Variants in PDE4B observed in about 807,000 individuals in gnomAD.
PDE4B encodes the protein phosphodiesterase 4B.
A neutral mutation model predicts 82.2 loss-of-function variants in PDE4B; 20 were observed. The observed-to-expected ratio is 0.24, with a 90% CI of 0.17 to 0.35. The LOEUF is 0.35. Among genes scored for constraint, PDE4B ranks in the 10% least tolerant of loss-of-function variants. The pLI, the probability that PDE4B is intolerant of heterozygous loss-of-function variation, is 1.00. For missense variants in PDE4B, 655 were observed against 907.2 expected, an observed-to-expected ratio of 0.72 and a Z score of 3.57; for synonymous variants, 320 against 318.9, an observed-to-expected ratio of 1.00 and a Z score of -0.04.
At chr1:65,983,328 G>A (rs905597286) in intron 3 of PDE4B, among the ~76,000 whole-genome samples, 2 of 152,116 alleles carry the variant, frequency 1.3e-5, no homozygotes, top group East Asian at 1.9e-4. Context: ...TAAGACTTTT[G>A]GAGGTGTTGT....
chr1:65,863,703 G>A (rs532216049), intron 1 of PDE4B, among the ~76,000 whole-genome samples: 4 of 152,222 alleles, frequency 2.6e-5, no homozygotes, highest in African/African-American at 9.6e-5. Context: ...TTCAGTGCAT[G>A]CATATTTAGG....
chr1:66,287,577 T>C (rs1014927491), intron 7 of PDE4B, among the ~76,000 whole-genome samples: 8 of 152,298 alleles, frequency 5.3e-5, no homozygotes, highest in African/African-American at 9.6e-5. Flanking sequence ...CTCCAGACTT[T>C]CCTTGCCTGG....
chr1:65,847,578 C>A (rs1450013218), intron 1 of PDE4B, among the ~76,000 whole-genome samples: 1 of 152,170 alleles, frequency 6.6e-6, no homozygotes, highest in African/African-American at 2.4e-5. Context: ...GAATGGATAT[C>A]TCTAAAGCGT....
chr1:66,090,621 A>ATATGTGTGTGTGTGTG lies in PDE4B; in HGVS notation c.282-156838_282-156837insATGTGTGTGTGTGTGT. ...TTATATATATATATGTATATAATAT[A>ATATGTGTGTGTGTGTG]TGTGTGTGTGTGTGTGTGTATGTAC... On this transcript the variant is annotated intron_variant, in intron 3 of 16. Coordinates refer to ENST00000341517, the MANE Select transcript of PDE4B (RefSeq NM_002600.4). Among the ~76,000 whole-genome samples, 252 of 122,710 alleles carry ATATGTGTGTGTGTGTG rather than the reference A, an allele frequency of 2.1e-3. 1 individual carries two copies. Among genetic ancestry groups the ATATGTGTGTGTGTGTG allele is most frequent in the Non-Finnish European group, 3.1e-3 (200 of 63,826 alleles). The allele number at this position is 122,710 out of a possible 152,430, so 80.5% of individuals were successfully genotyped here.
chr1:65,959,896 A>G (rs1002639438), intron 3 of PDE4B, among the ~76,000 whole-genome samples: 2 of 151,994 alleles, frequency 1.3e-5, no homozygotes, highest in Non-Finnish European at 2.9e-5. Flanking sequence ...TTTGGTAGAG[A>G]TGAGGTCTTT....
At chr1:66,264,767 C>T (rs1654913790) in intron 6 of PDE4B, among the ~76,000 whole-genome samples, 1 of 152,180 alleles carries the variant, frequency 6.6e-6, no homozygotes, top group South Asian at 2.1e-4. Context: ...TGTGGCCACA[C>T]CAGTAGGAAG....
chr1:65,802,076 A>G (rs1051609919), intron 1 of PDE4B, among the ~76,000 whole-genome samples: 2 of 152,262 alleles, frequency 1.3e-5, no homozygotes, highest in Admixed American at 6.5e-5. Context: ...GAAGGATTCA[A>G]TTGGGATATG....
rs542936207 is a variant in PDE4B, at chr1:66,234,618, A to ATTT, written c.282-12839_282-12837dup. Among the ~76,000 whole-genome samples the ATTT allele has an allele frequency of 9.8e-4, 149 of 151,934 alleles. 3 individuals carry two copies. The South Asian group carries it at 0.03, about 30-fold the overall frequency. On this transcript the variant is annotated intron_variant, in intron 3 of 16. Coordinates refer to ENST00000341517, the MANE Select transcript of PDE4B (RefSeq NM_002600.4). ...ATAATTTTTTTTATGATTCTTTATT[A>ATTT]TTTTTATAGTATCTTTAGAGTCTAT...
intron 3 of PDE4B, among the ~76,000 whole-genome samples, chr1:66,156,271 CTAT>C (rs1282314762): frequency 6.6e-6 from 1 of 152,036 alleles, no homozygotes; most frequent in Non-Finnish European, 1.5e-5. Flanking sequence ...GTCTCAATAG[CTAT>C]TATTGTGGCT....
At chr1:66,242,701 A>G (rs1483590716) in intron 3 of PDE4B, among the ~76,000 whole-genome samples, 2 of 152,198 alleles carry the variant, frequency 1.3e-5, no homozygotes, top group African/African-American at 4.8e-5. Context: ...AGGTTAATCA[A>G]AGGTTTCATG....
chr1:66,158,687 A>G (rs906604418), intron 3 of PDE4B, among the ~76,000 whole-genome samples: 1 of 152,216 alleles, frequency 6.6e-6, no homozygotes, highest in Non-Finnish European at 1.5e-5. Flanking sequence ...ACGGAATCAA[A>G]CTAAGTGCCT....
At chr1:65,805,384 CTTTATA>C (rs1417485381) in intron 1 of PDE4B, among the ~76,000 whole-genome samples, 1 of 152,068 alleles carries the variant, frequency 6.6e-6, no homozygotes, top group Non-Finnish European at 1.5e-5. Flanking sequence ...GGCACACATC[CTTTATA>C]TTTATATTAT....
rs1326980221 is a variant in PDE4B at position 65,793,039 on chromosome 1, G to C, written c.-280G>C. 1 of 151,912 alleles carries C rather than the reference G, an allele frequency of 6.6e-6. No individual in the cohort carries two copies. Among genetic ancestry groups the C allele is most frequent in the Admixed American group, 6.6e-5 (1 of 15,244 alleles). The allele number at this position is 151,912 out of a possible 1,614,324, so 9.4% of individuals were successfully genotyped here. ...CGGGGCTCCTGGCCTCGCCTCAGCG[G>C]CTGCAGGCTCTTCGTCGCGGGCCGG... On this transcript the variant is annotated 5_prime_UTR_variant, in exon 1 of 17. Coordinates refer to ENST00000341517, the MANE Select transcript of PDE4B (RefSeq NM_002600.4).
At position 66,100,299 on chromosome 1, in the gene PDE4B, C is replaced by T. The variant is rs151275757; in HGVS notation, c.282-147161C>T. ...AGCTCCTGACCTCAGGTGATCAGCC[C>T]GCCTTGGCCTCCTAAAGTGCTGGGA... On this transcript the variant is annotated intron_variant, in intron 3 of 16. Transcript: ENST00000341517. Among the ~76,000 whole-genome samples, 581 of 152,132 alleles carry T rather than the reference C, an allele frequency of 3.8e-3. 6 individuals are homozygous for T. Among genetic ancestry groups the T allele is most frequent in the African/African-American group, 0.013 (545 of 41,524 alleles).
At chr1:66,005,496 CTT>C (rs1652100652) in intron 3 of PDE4B, among the ~76,000 whole-genome samples, 1 of 152,066 alleles carries the variant, frequency 6.6e-6, no homozygotes, top group Non-Finnish European at 1.5e-5. Context: ...CTCACATAAT[CTT>C]TGATCAGGCT....
intron 1 of PDE4B, among the ~76,000 whole-genome samples, chr1:65,813,695 C>G (rs774921095): frequency 2.0e-5 from 3 of 151,934 alleles, no homozygotes. Context: ...ACCTTAATGG[C>G]AAATGGGTAG....
chr1:66,052,124 C>T (rs997619758), intron 3 of PDE4B, among the ~76,000 whole-genome samples: 1 of 152,164 alleles, frequency 6.6e-6, no homozygotes, highest in African/African-American at 2.4e-5. Flanking sequence ...GCATGCTAAA[C>T]TTCAATTCAC....
chr1:66,182,067 A>C (rs573828925), intron 3 of PDE4B, among the ~76,000 whole-genome samples: 3 of 152,300 alleles, frequency 2.0e-5, no homozygotes, highest in Non-Finnish European at 4.4e-5. Context: ...GTCAGTAAAT[A>C]ATATGTTATG....
At chr1:65,840,230 A>G (rs926251500) in intron 1 of PDE4B, among the ~76,000 whole-genome samples, 1 of 152,078 alleles carries the variant, frequency 6.6e-6, no homozygotes, top group Non-Finnish European at 1.5e-5. Flanking sequence ...AAAAGTTGTA[A>G]TAGAAGCAAA....
Sources: gnomAD v4.1 joint callset for allele counts (sites outside exome capture counted in the v4.1 genomes callset) on GRCh38, gnomAD v4.1.1 for gene constraint, MANE v1.5 for transcripts, NCBI Gene and HGNC (gene_info 2026-07-23, HGNC 2026-07-21) for gene names.